Variants in ZZEF1 observed in about 807,000 individuals in gnomAD.
The protein encoded by ZZEF1 is zinc finger ZZ-type and EF-hand domain containing 1, also known as zinc finger ZZ-type and EF-hand domain-containing protein 1.
ZZEF1 carries 157 observed loss-of-function variants against 342.8 expected under a neutral mutation model. The observed-to-expected ratio is 0.46, with a 90% CI of 0.40 to 0.52. ZZEF1 has a LOEUF of 0.52. Ranked by LOEUF, ZZEF1 falls within the 20% of genes least tolerant of loss-of-function variation. ZZEF1 has a pLI of 0.00. For synonymous variants in ZZEF1, 1,505 were observed against 1,429.1 expected (o/e 1.05, Z -1.20); for missense variants, 3,480 against 3,725.6 (o/e 0.93, Z 1.72).
intron 11 of ZZEF1, among the ~76,000 whole-genome samples, chr17:4,094,223 C>T (rs8067427): frequency 0.17 from 25,264 of 152,024 alleles, 2,129 homozygotes; most frequent in East Asian, 0.18. Flanking sequence ...TTCACTGCAG[C>T]CTCAACCTCC....
rs140431217 is a variant in ZZEF1, at chr17:4,084,157, T to C, written c.2646+1513A>G. ...TGCTTCTAGTGATCCATCAAATACA[T>C]TGCTTATTGTGGGTTTTCGATACAT... On this transcript the variant is annotated intron_variant, in intron 16 of 54. Coordinates refer to ENST00000381638, the MANE Select transcript of ZZEF1 (RefSeq NM_015113.4). Among the ~76,000 whole-genome samples the C allele has an allele frequency of 2.2e-4, 33 of 152,312 alleles. 1 individual carries two copies. The East Asian group carries it at 4.0e-3, about 19-fold the overall frequency.
intron 8 of ZZEF1, among the ~76,000 whole-genome samples, chr17:4,103,952 G>C (rs761555114): frequency 6.6e-6 from 1 of 152,090 alleles, no homozygotes; most frequent in South Asian, 2.1e-4. Flanking sequence ...AATGTCACTG[G>C]AATACTGCCA....
chr17:4,009,714 A>G lies in ZZEF1; in HGVS notation c.8623T>C (p.Phe2875Leu), dbSNP rs1352206751. ...LALLKPLWQL[F>L]THMEYGLFED... is the part of the protein sequence containing the mutation. ...AACAGGCCGTACTCCATGTGGGTAA[A>G]GAGCTGCCACAGGGGCTTCAACAGC... Residue 2875 changes from phenylalanine to leucine, a missense_variant, in exon 53 of 55, where the codon TTT becomes CTT. Phe to Leu is a conservative substitution (Grantham distance 22). Transcript: ENST00000381638. 3 of 1,614,136 alleles carry G rather than the reference A, an allele frequency of 1.9e-6. No individual in the cohort carries two copies. The highest frequency in any genetic ancestry group is 3.3e-5 in the Admixed American group (2 of 60,026).
At chr17:4,065,337 C>T (rs908015403) in intron 28 of ZZEF1, among the ~76,000 whole-genome samples, 3 of 151,264 alleles carry the variant, frequency 2.0e-5, no homozygotes, top group Non-Finnish European at 2.9e-5. Flanking sequence ...GTTGAAGCTG[C>T]AGTGAGCCGA....
chr17:4,077,467 A>T (rs2057644955), intron 19 of ZZEF1, among the ~76,000 whole-genome samples: 1 of 152,212 alleles, frequency 6.6e-6, no homozygotes, highest in South Asian at 2.1e-4. Flanking sequence ...GAGTTTACAG[A>T]ACATGAATCT....
intron 13 of ZZEF1, among the ~76,000 whole-genome samples, chr17:4,088,343 G>T (rs890877755): frequency 6.6e-6 from 1 of 152,126 alleles, no homozygotes; most frequent in South Asian, 2.1e-4. Flanking sequence ...AATTCTTCTA[G>T]GACTTAAAGA....
rs371205309 is a variant in ZZEF1 at position 4,105,648 on chromosome 17, C to T, written c.1394+45G>A. 5 of 1,341,560 alleles carry T rather than the reference C, an allele frequency of 3.7e-6. No homozygotes were observed. In the African/African-American group the frequency reaches 5.8e-5, roughly 16 times the overall value. The allele number at this position is 1,341,560 out of a possible 1,614,324, so 83.1% of individuals were successfully genotyped here. ...TTTAAAGACTTAACAAGCATACGTGCACTCCATTCCTCACAGAGTTTACCC... is the reference window on the plus strand; with the variant it reads ...TTTAAAGACTTAACAAGCATACGTGTACTCCATTCCTCACAGAGTTTACCC... On this transcript the variant is annotated intron_variant, in intron 7 of 54. Transcript: ENST00000381638.
At chr17:4,075,488 T>C in intron 21 of ZZEF1, 59 bp from the exon 22 acceptor site, 1 of 1,568,236 alleles carries the variant, frequency 6.4e-7, no homozygotes, top group Admixed American at 1.8e-5. Context: ...CCTAGCCACA[T>C]GCAGCAGACT....
At chr17:4,074,783 C>T (rs1420564806) in intron 23 of ZZEF1, among the ~76,000 whole-genome samples, 7 of 152,218 alleles carry the variant, frequency 4.6e-5, no homozygotes, top group Non-Finnish European at 5.9e-5. Context: ...CTAGACCCAC[C>T]AGCACTTCTT....
intron 1 of ZZEF1, among the ~76,000 whole-genome samples, chr17:4,134,342 TTATATATATTTATA>T (rs1048689619): frequency 8.7e-5 from 12 of 138,230 alleles, no homozygotes; most frequent in African/African-American, 1.9e-4. Flanking sequence ...ATATATATAT[TTATATATATTTATA>T]TATATATATT....
In ZZEF1 at chr17:4,064,466, A is replaced by G; in HGVS notation, c.4613T>C (p.Phe1538Ser). Reference protein sequence around the residue: ...FTRGRLRLLSFRSMEEARLVP... With the variant: ...FTRGRLRLLSSRSMEEARLVP... Reference sequence around the variant, plus strand: ...CAGTCTGGCCTCCTCCATGGATCGAAAGGAGAGCAGCCGGAGTCGCCCTCG... The same window carrying G: ...CAGTCTGGCCTCCTCCATGGATCGAGAGGAGAGCAGCCGGAGTCGCCCTCG... The change falls in exon 29 of 55, where the codon TTT (phenylalanine) becomes TCT (serine). Residue 1538 changes from phenylalanine to serine, a missense_variant. By Grantham distance (155) the Phe-to-Ser change is radical. Around this residue, in one of 5 missense-constraint regions of ZZEF1, gnomAD observed 1,528 missense variants for 1,624.1 expected, o/e 0.94. Transcript: ENST00000381638. The G allele has an allele frequency of 6.2e-7, 1 of 1,614,138 alleles. No homozygotes were observed. Among genetic ancestry groups the G allele is most frequent in the Non-Finnish European group, 8.5e-7 (1 of 1,180,032 alleles).
In ZZEF1 at chr17:4,017,304, C is replaced by A. The variant is rs2056132028; in HGVS notation, c.8001+67G>T. 2.0e-6 allele frequency: 3 copies of A among 1,531,726 alleles called. No homozygotes were observed. The highest frequency in any genetic ancestry group is 2.6e-6 in the Non-Finnish European group (3 of 1,140,524). The allele number at this position is 1,531,726 out of a possible 1,614,324, so 94.9% of individuals were successfully genotyped here. ...GTAGCCTCGCTCCAGGAAGCACTCA[C>A]TGGAGGAAGCCTGTGGGGCAGAGGA... On this transcript the variant is annotated intron_variant, in intron 48 of 54. Coordinates refer to ENST00000381638, the MANE Select transcript of ZZEF1 (RefSeq NM_015113.4). This position sits in a 1 kb window ranked among gnomAD's most constrained non-coding sequence, Gnocchi z 5.1.
chr17:4,044,193 G>C, intron 38 of ZZEF1, 31 bp downstream of exon 38: 3 of 1,610,152 alleles, frequency 1.9e-6, no homozygotes, highest in African/African-American at 1.3e-5. Context: ...TAAGATGAAA[G>C]AGATGAAGAT....
chr17:4,026,592 G>A (rs968276987), intron 42 of ZZEF1, among the ~76,000 whole-genome samples: 1 of 151,012 alleles, frequency 6.6e-6, no homozygotes, highest in Non-Finnish European at 1.5e-5. Context: ...CGTGATCTTG[G>A]CTGACTGCAA....
chr17:4,077,841 C>G (rs1597858011), intron 19 of ZZEF1, 42 bp downstream of exon 19: 1 of 1,603,560 alleles, frequency 6.2e-7, no homozygotes, highest in Non-Finnish European at 8.5e-7. Flanking sequence ...GAGTCAAAAC[C>G]CAAACGCCAT....
chr17:4,111,090 G>T (rs7224685), intron 5 of ZZEF1, among the ~76,000 whole-genome samples: 48,777 of 151,854 alleles, frequency 0.32, 8,058 homozygotes, highest in African/African-American at 0.4. Context: ...AAAAGAACAT[G>T]CAAAGAATAT....
At chr17:4,042,753 C>T (rs905585015) in intron 38 of ZZEF1, among the ~76,000 whole-genome samples, 185 bp from the exon 39 acceptor site, 1 of 152,240 alleles carries the variant, frequency 6.6e-6, no homozygotes, top group Non-Finnish European at 1.5e-5. Flanking sequence ...ACAATCTCGG[C>T]TCACTGCAAC....
Position 4,090,750 on chromosome 17 carries a change from T to G in ZZEF1, c.1994A>C (p.Asp665Ala), listed in dbSNP as rs1487431189. ...FELEEEWDEA[D>A]VKLQQCRVAK... Reference sequence around the variant, plus strand: ...AACTCTGCACTGTTGCAGCTTCACATCTGCTTCATCCCATTCTTCTTCCAG... The same window carrying G: ...AACTCTGCACTGTTGCAGCTTCACAGCTGCTTCATCCCATTCTTCTTCCAG... Residue 665 changes from aspartate (D) to alanine (A), a missense_variant, in exon 12 of 55, where the codon GAT (aspartate) becomes GCT (alanine). Physicochemically the swap from Asp to Ala is moderately radical, Grantham distance 126 (BLOSUM62 -2). This residue lies in a region of ZZEF1 where 1,528 missense variants were observed against 1,624.1 expected (regional missense o/e 0.94). Coordinates refer to ENST00000381638, the MANE Select transcript of ZZEF1 (RefSeq NM_015113.4). The G allele has an allele frequency of 6.2e-7, 1 of 1,614,192 alleles. No individual in the cohort carries two copies. The highest frequency in any genetic ancestry group is 1.1e-5 in the South Asian group (1 of 91,092).
In ZZEF1 at chr17:4,123,891, T is replaced by C; in HGVS notation, c.499+16A>G. 6.2e-7 allele frequency: 1 copy of C among 1,610,726 alleles called. No homozygotes were observed. The highest frequency in any genetic ancestry group is 8.5e-7 in the Non-Finnish European group (1 of 1,178,902). On this transcript the variant is annotated intron_variant, in intron 2 of 54. Transcript: ENST00000381638. ...TTCACTTTGGTTCTAAGACAGCACCTAGATGGAAGCCTCACCTGGAACCAG... is the reference window on the plus strand; with the variant it reads ...TTCACTTTGGTTCTAAGACAGCACCCAGATGGAAGCCTCACCTGGAACCAG...
Sources: allele counts gnomAD v4.1 joint callset (sites outside exome capture counted in the v4.1 genomes callset), GRCh38; gene constraint gnomAD v4.1.1; regional missense constraint gnomAD v4.1.1; non-coding constraint Gnocchi (gnomAD v3.1); transcripts MANE v1.5; gene names NCBI Gene and HGNC (gene_info 2026-07-23, HGNC 2026-07-21).